The following TFDP1 variants were observed in gnomAD, a reference collection of about 807,000 sequenced individuals.
TFDP1 encodes the protein transcription factor Dp-1.
TFDP1 carries 6 observed loss-of-function variants against 48.0 expected under a neutral mutation model. The ratio of observed to expected loss-of-function variants is 0.13; its 90% confidence interval spans 0.07 to 0.25. TFDP1 has a LOEUF of 0.25. Among genes scored for constraint, TFDP1 ranks in the 10% least tolerant of loss-of-function variants. The pLI is 1.00. For synonymous variants in TFDP1, 201 were observed against 211.6 expected, an observed-to-expected ratio of 0.95 and a Z score of 0.44; for missense variants, 335 against 543.0, an observed-to-expected ratio of 0.62 and a Z score of 3.81.
At chr13:113,612,051 G>C (rs1186785718) in intron 3 of TFDP1, among the ~76,000 whole-genome samples, 1 of 152,116 alleles carries the variant, frequency 6.6e-6, no homozygotes, top group African/African-American at 2.4e-5. Flanking sequence ...TCTTAACATT[G>C]TGACCCTTGT....
At chr13:113,631,370 T>A (rs1380564045) in intron 4 of TFDP1, among the ~76,000 whole-genome samples, 1 of 152,184 alleles carries the variant, frequency 6.6e-6, no homozygotes, top group African/African-American at 2.4e-5. Flanking sequence ...CCGAAGTTTC[T>A]TGTTGCTTTT....
chr13:113,595,883 C>T (rs902692041), intron 2 of TFDP1, among the ~76,000 whole-genome samples: 11 of 152,288 alleles, frequency 7.2e-5, no homozygotes, highest in East Asian at 1.9e-4. Context: ...GATATCGAGA[C>T]CATCCTGGCT....
rs529372460 is a variant in TFDP1, at chr13:113,610,699, G to A, written c.13-297G>A. Among the ~76,000 whole-genome samples, 72 of 152,342 alleles carry A rather than the reference G, an allele frequency of 4.7e-4. 1 individual carries two copies. The highest frequency in any genetic ancestry group is 1.6e-3 in the African/African-American group (65 of 41,568). On this transcript the variant is annotated intron_variant, in intron 2 of 11. Coordinates refer to ENST00000375370, the MANE Select transcript of TFDP1 (RefSeq NM_007111.5). ...AATAGAATGTGTTTAACATTCTATT[G>A]TGAACATTTTCCTCATCATTACAAT...
At chr13:113,621,943 A>G (rs1050282866) in intron 3 of TFDP1, among the ~76,000 whole-genome samples, 24 of 152,284 alleles carry the variant, frequency 1.6e-4, no homozygotes, top group African/African-American at 5.8e-4. Context: ...CATCCTGTAC[A>G]CCTGGCTCTG....
intron 5 of TFDP1, 189 bp downstream of exon 5, chr13:113,631,933 T>G: frequency 1.3e-6 from 1 of 763,864 alleles, no homozygotes; most frequent in Non-Finnish European, 2.0e-6. Flanking sequence ...ACTGCCTCGG[T>G]CATGGAGAAG....
chr13:113,601,387 G>T (rs2048422949), intron 2 of TFDP1, among the ~76,000 whole-genome samples: 1 of 152,258 alleles, frequency 6.6e-6, no homozygotes, highest in African/African-American at 2.4e-5. Context: ...GTGGGGGTGT[G>T]TTCTTGCACT....
chr13:113,632,003 C>T (rs1274280144), intron 5 of TFDP1: 10 of 464,882 alleles, frequency 2.2e-5, no homozygotes, highest in Non-Finnish European at 2.7e-5. Context: ...CTCTGAAGGG[C>T]TGGCAGCTCT....
At chr13:113,593,174 G>C (rs2048190339) in intron 2 of TFDP1, among the ~76,000 whole-genome samples, 1 of 137,220 alleles carries the variant, frequency 7.3e-6, no homozygotes, top group South Asian at 2.4e-4. Flanking sequence ...TCCTCACCCT[G>C]CCCAGGTGAC....
At chr13:113,626,226 C>A (rs2049176118) in intron 4 of TFDP1, among the ~76,000 whole-genome samples, 1 of 152,168 alleles carries the variant, frequency 6.6e-6, no homozygotes, top group Admixed American at 6.5e-5. Context: ...GCTCTCTGTA[C>A]TGAGCTGTTT....
chr13:113,615,005 A>C (rs960028917), intron 3 of TFDP1, among the ~76,000 whole-genome samples: 1 of 152,098 alleles, frequency 6.6e-6, no homozygotes, highest in African/African-American at 2.4e-5. Context: ...TGGATAGAGC[A>C]CCGTCAGGTT....
rs184361904 is a variant in TFDP1, at chr13:113,599,301, C to T, written c.13-11695C>T. 2.0e-5 allele frequency among the ~76,000 whole-genome samples: 3 copies of T among 152,258 alleles called. 1 individual carries two copies. The highest frequency in any genetic ancestry group is 4.1e-4 in the South Asian group (2 of 4,826). On this transcript the variant is annotated intron_variant, in intron 2 of 11. Coordinates refer to ENST00000375370, the MANE Select transcript of TFDP1 (RefSeq NM_007111.5). ...GTCACGGACCTGGGTGACTCCCTGCCGGGCCAGGGTGATCATTAAGTAGTT... is the reference window on the plus strand; with the variant it reads ...GTCACGGACCTGGGTGACTCCCTGCTGGGCCAGGGTGATCATTAAGTAGTT...
intron 3 of TFDP1, among the ~76,000 whole-genome samples, chr13:113,619,666 T>G (rs1177937215): frequency 1.3e-5 from 2 of 152,080 alleles, no homozygotes; most frequent in African/African-American, 4.8e-5. Flanking sequence ...CCTTCTGAAG[T>G]GCTGCTCGGG....
intron 11 of TFDP1, among the ~76,000 whole-genome samples, chr13:113,638,550 C>T (rs76045803): frequency 0.012 from 1,790 of 152,230 alleles, 16 homozygotes; most frequent in Non-Finnish European, 0.017. Flanking sequence ...GCAATCACAG[C>T]GCACGTATTT....
At position 113,626,020 on chromosome 13, in the gene TFDP1, T is replaced by C. The variant is rs551810468; in HGVS notation, c.186+2734T>C. Among the ~76,000 whole-genome samples the C allele has an allele frequency of 4.7e-5, 7 of 148,862 alleles. No individual in the cohort carries two copies. In the South Asian group the frequency reaches 1.5e-3, roughly 32 times the overall value. ...CGTGTCCTCAGGTGTCTCTCACGTGTCCTCAGGTGTCTCTCACGCGTCCTC... is the reference window on the plus strand; with the variant it reads ...CGTGTCCTCAGGTGTCTCTCACGTGCCCTCAGGTGTCTCTCACGCGTCCTC... On this transcript the variant is annotated intron_variant, in intron 4 of 11. Transcript: ENST00000375370.
At chr13:113,606,106 C>T (rs1272224614) in intron 2 of TFDP1, among the ~76,000 whole-genome samples, 11 of 124,974 alleles carry the variant, frequency 8.8e-5, no homozygotes, top group African/African-American at 2.8e-4. Context: ...TGTGGGAAGG[C>T]GGCGTGGTGG....
intron 3 of TFDP1, among the ~76,000 whole-genome samples, chr13:113,621,956 T>G (rs2049005171): frequency 6.6e-6 from 1 of 152,238 alleles, no homozygotes; most frequent in Non-Finnish European, 1.5e-5. Context: ...TGGCTCTGCC[T>G]TCTAGATAGC....
rs1173682780 is a variant in TFDP1, at chr13:113,641,212, A to G, written c.*945A>G. On this transcript the variant is annotated 3_prime_UTR_variant, in exon 12 of 12. Coordinates refer to ENST00000375370, the MANE Select transcript of TFDP1 (RefSeq NM_007111.5). ...CAATTTTTTAACTCAAAATTTGTCA[A>G]TCATTTTTAATAGTTCTTTTTTTAT... 3.9e-5 allele frequency: 6 copies of G among 152,592 alleles called. No homozygotes were observed. Among genetic ancestry groups the G allele is most frequent in the African/African-American group, 7.2e-5 (3 of 41,446 alleles). 9.5% of individuals were successfully genotyped at this position (152,592 alleles called of 1,614,324 possible).
At chr13:113,618,274 C>G (rs2048911980) in intron 3 of TFDP1, among the ~76,000 whole-genome samples, 3 of 152,190 alleles carry the variant, frequency 2.0e-5, no homozygotes, top group African/African-American at 7.2e-5. Context: ...GTAGTCCCAG[C>G]ACTTTGAGAG....
At position 113,585,852 on chromosome 13, in the gene TFDP1, A is replaced by G. The variant is rs1472350224; in HGVS notation, c.12+3A>G. Reference sequence around the variant, plus strand: ...GATCTGGTAACATGGCAAAAGATGTAAGTATGTTTGCTTCATGCTGCACAC... The same window carrying G: ...GATCTGGTAACATGGCAAAAGATGTGAGTATGTTTGCTTCATGCTGCACAC... On this transcript the variant is annotated splice_donor_region_variant and intron_variant, in intron 2 of 11. Coordinates refer to ENST00000375370, the MANE Select transcript of TFDP1 (RefSeq NM_007111.5). 1.7e-5 allele frequency: 27 copies of G among 1,602,352 alleles called. No individual in the cohort carries two copies. The highest frequency in any genetic ancestry group is 2.1e-5 in the Non-Finnish European group (25 of 1,170,872).
Sources: allele counts gnomAD v4.1 joint callset (sites outside exome capture counted in the v4.1 genomes callset), GRCh38; gene constraint gnomAD v4.1.1; transcripts MANE v1.5; gene names NCBI Gene and HGNC (gene_info 2026-07-23, HGNC 2026-07-21).